PCCA: variants seen among roughly 807,000 people sequenced by gnomAD.
PCCA encodes propionyl-CoA carboxylase alpha chain, mitochondrial.
In PCCA, 74 loss-of-function variants were observed where a neutral mutation model predicts 101.3. That is an observed-to-expected ratio of 0.73 (90% CI 0.61 to 0.89). PCCA has a LOEUF of 0.89. PCCA is among the 40% of genes least tolerant of loss of function. PCCA has a pLI of 0.00. For synonymous variants in PCCA, 294 were observed against 313.6 expected (o/e 0.94, Z 0.66); for missense variants, 891 against 907.0 (o/e 0.98, Z 0.23).
intron 18 of PCCA, among the ~76,000 whole-genome samples, chr13:100,360,249 C>A (rs1230284252): frequency 6.6e-6 from 1 of 151,952 alleles, no homozygotes; most frequent in East Asian, 1.9e-4. Flanking sequence ...AAAGACCTGC[C>A]CCCATATTCA....
At chr13:100,169,723 G>A (rs1276969465) in intron 6 of PCCA, among the ~76,000 whole-genome samples, 9 of 133,074 alleles carry the variant, frequency 6.8e-5, no homozygotes, top group Non-Finnish European at 1.1e-4. Context: ...TTTTTGAGAT[G>A]GAGTTTCGCT....
intron 19 of PCCA, among the ~76,000 whole-genome samples, chr13:100,406,836 T>C (rs2152863183): frequency 6.6e-6 from 1 of 152,362 alleles, no homozygotes; most frequent in East Asian, 1.9e-4. Context: ...CTCCATTAAG[T>C]TCTCTTGTTT....
At chr13:100,222,087 A>G (rs1024398435) in intron 7 of PCCA, among the ~76,000 whole-genome samples, 2 of 150,394 alleles carry the variant, frequency 1.3e-5, no homozygotes, top group Non-Finnish European at 3.0e-5. Context: ...TGTTGCCCAG[A>G]CTGGAGTACA....
At chr13:100,214,498 C>T (rs2059405208) in intron 7 of PCCA, among the ~76,000 whole-genome samples, 3 of 151,868 alleles carry the variant, frequency 2.0e-5, no homozygotes, top group East Asian at 1.9e-4. Flanking sequence ...AATCTCGGCT[C>T]ACTGCAACCT....
chr13:100,364,329 ATTC>A (rs1371104992), intron 18 of PCCA, among the ~76,000 whole-genome samples: 7 of 152,212 alleles, frequency 4.6e-5, no homozygotes, highest in Admixed American at 3.3e-4. Context: ...GATCTGTGTA[ATTC>A]TTTTCTAAAC....
At chr13:100,135,077 A>AT (rs200256593) in intron 4 of PCCA, among the ~76,000 whole-genome samples, 2 of 150,502 alleles carry the variant, frequency 1.3e-5, no homozygotes, top group South Asian at 2.1e-4. Context: ...CCTAAGTGTA[A>AT]TTTTTTTTTG....
At chr13:100,207,602 G>T (rs190458347) in intron 6 of PCCA, among the ~76,000 whole-genome samples, 24 of 151,998 alleles carry the variant, frequency 1.6e-4, no homozygotes, top group African/African-American at 5.8e-4. Context: ...GGATGGTCTC[G>T]ATCTCCTGAC....
chr13:100,171,144 T>C (rs1422493078), intron 6 of PCCA, among the ~76,000 whole-genome samples: 1 of 152,248 alleles, frequency 6.6e-6, no homozygotes, highest in Non-Finnish European at 1.5e-5. Context: ...TTAAAGAGAT[T>C]TGTGAAAATG....
chr13:100,467,516 G>A lies in PCCA; in HGVS notation c.1899+18211G>A, dbSNP rs557760930. 7.9e-4 allele frequency among the ~76,000 whole-genome samples: 121 copies of A among 152,264 alleles called. 1 individual carries two copies. The highest frequency in any genetic ancestry group is 2.6e-3 in the Admixed American group (40 of 15,296). ...CTCTTGAGTAGCTGGGACTACAGGTGCCCGCCACCATTCCAGACTAATTTT... is the reference window on the plus strand; with the variant it reads ...CTCTTGAGTAGCTGGGACTACAGGTACCCGCCACCATTCCAGACTAATTTT... On this transcript the variant is annotated intron_variant, in intron 21 of 23. Coordinates refer to ENST00000376285, the MANE Select transcript of PCCA (RefSeq NM_000282.4).
At chr13:100,147,352 C>T (rs2052704469) in intron 4 of PCCA, among the ~76,000 whole-genome samples, 1 of 152,120 alleles carries the variant, frequency 6.6e-6, no homozygotes, top group African/African-American at 2.4e-5. Context: ...AAATGACTTG[C>T]TTTATATGCA....
At chr13:100,309,808 G>T (rs894567877) in intron 15 of PCCA, 25 bp from the exon 16 acceptor site, 2 of 1,462,468 alleles carry the variant, frequency 1.4e-6, no homozygotes, top group South Asian at 1.1e-5. Context: ...TATATATATT[G>T]GGTTTTTTGT....
intron 7 of PCCA, among the ~76,000 whole-genome samples, chr13:100,222,634 A>C (rs941155809): frequency 9.2e-5 from 14 of 152,194 alleles, no homozygotes; most frequent in Non-Finnish European, 1.9e-4. Context: ...TTGGGTTTTT[A>C]GCAACAGTTT....
intron 6 of PCCA, among the ~76,000 whole-genome samples, chr13:100,171,423 C>G (rs750645564): frequency 6.6e-6 from 1 of 152,082 alleles, no homozygotes; most frequent in Non-Finnish European, 1.5e-5. Context: ...GAGAGTGTGG[C>G]CTTTAAGCTG....
chr13:100,530,000 G>A (rs2088275290), intron 23 of PCCA, 98 bp from the exon 24 acceptor site: 3 of 911,566 alleles, frequency 3.3e-6, no homozygotes, highest in Non-Finnish European at 5.4e-6. Context: ...GAGCTTGCAG[G>A]ACTGTGCATT....
chr13:100,440,996 G>T (rs992466669), intron 20 of PCCA, among the ~76,000 whole-genome samples: 1 of 152,136 alleles, frequency 6.6e-6, no homozygotes, highest in East Asian at 1.9e-4. Context: ...TACAGCTATG[G>T]TATAAAGTAT....
intron 6 of PCCA, among the ~76,000 whole-genome samples, chr13:100,185,163 C>G (rs565540018): frequency 1.3e-5 from 2 of 152,288 alleles, no homozygotes; most frequent in Admixed American, 1.3e-4. Flanking sequence ...GAACACTGTC[C>G]TAACTATTAT....
intron 20 of PCCA, among the ~76,000 whole-genome samples, chr13:100,437,965 C>T (rs2080068082): frequency 6.6e-6 from 1 of 152,050 alleles, no homozygotes; most frequent in Admixed American, 6.6e-5. Flanking sequence ...CCATTGTTCC[C>T]AACTGTCATT....
rs76784502 is a variant in PCCA at position 100,488,493 on chromosome 13, G to C, written c.1900-26934G>C. On this transcript the variant is annotated intron_variant, in intron 21 of 23. Coordinates refer to ENST00000376285, the MANE Select transcript of PCCA (RefSeq NM_000282.4). ...CATTAGCATTTTAAAGTTAGTGGAG[G>C]CTGGGCATAGTGGCTCACACCTGTA... 4.4e-3 allele frequency among the ~76,000 whole-genome samples: 667 copies of C among 152,256 alleles called. 34 individuals are homozygous for C. In the East Asian group the frequency reaches 0.098, roughly 22 times the overall value.
At chr13:100,447,657 A>G (rs2080932828) in intron 20 of PCCA, among the ~76,000 whole-genome samples, 3 of 149,562 alleles carry the variant, frequency 2.0e-5, no homozygotes, top group South Asian at 4.2e-4. Context: ...GGGTGACAAG[A>G]ATGAAACTCT....
Sources: allele counts gnomAD v4.1 joint callset (sites outside exome capture counted in the v4.1 genomes callset), GRCh38; gene constraint gnomAD v4.1.1; transcripts MANE v1.5; gene names NCBI Gene and HGNC (gene_info 2026-07-23, HGNC 2026-07-21).